ANKRD12: variants seen among roughly 807,000 people sequenced by gnomAD.
The protein encoded by ANKRD12 is ankyrin repeat domain 12, also known as ankyrin repeat domain-containing protein 12.
In ANKRD12, 85 loss-of-function variants were observed where a neutral mutation model predicts 183.4. The ratio of observed to expected loss-of-function variants is 0.46; its 90% CI spans 0.39 to 0.56. The LOEUF is 0.56. Ranked by LOEUF, ANKRD12 falls within the 20% of genes least tolerant of loss-of-function variation. ANKRD12 has a pLI of 0.00. For synonymous variants in ANKRD12, 914 were observed against 800.2 expected (o/e 1.14, Z -2.40); for missense variants, 2,405 against 2,357.1 (o/e 1.02, Z -0.42).
chr18:9,232,131 TG>T (rs1192764992), intron 8 of ANKRD12, among the ~76,000 whole-genome samples: 10 of 152,266 alleles, frequency 6.6e-5, no homozygotes, highest in Non-Finnish European at 1.3e-4. Context: ...CTTTTTGTCT[TG>T]GTTGTCCTTG....
At chr18:9,165,142 C>T (rs1467364290) in intron 1 of ANKRD12, among the ~76,000 whole-genome samples, 3 of 152,048 alleles carry the variant, frequency 2.0e-5, no homozygotes, top group African/African-American at 7.2e-5. Flanking sequence ...AACCTTTTAC[C>T]ATTACGTGAT....
At chr18:9,166,986 T>C (rs1446474097) in intron 1 of ANKRD12, among the ~76,000 whole-genome samples, 1 of 152,198 alleles carries the variant, frequency 6.6e-6, no homozygotes, top group Non-Finnish European at 1.5e-5. Flanking sequence ...CCTTTCCCCA[T>C]TGCTTGTTTT....
intron 10 of ANKRD12, among the ~76,000 whole-genome samples, chr18:9,273,347 G>A (rs1404406462): frequency 2.0e-5 from 3 of 152,158 alleles, no homozygotes; most frequent in Non-Finnish European, 4.4e-5. Context: ...TTTATTGTGT[G>A]TGTCAGAGGT....
chr18:9,163,167 A>G (rs1170369127), intron 1 of ANKRD12, among the ~76,000 whole-genome samples: 2 of 152,036 alleles, frequency 1.3e-5, no homozygotes, highest in Non-Finnish European at 2.9e-5. Context: ...GGATTTTTAT[A>G]GTTTTGGGTT....
At chr18:9,185,655 A>G (rs2033998768) in intron 2 of ANKRD12, among the ~76,000 whole-genome samples, 1 of 152,208 alleles carries the variant, frequency 6.6e-6, no homozygotes, top group South Asian at 2.1e-4. Context: ...AGAAGAGTGT[A>G]CAAAGAGTGT....
chr18:9,256,683 C>A lies in ANKRD12; in HGVS notation c.3416C>A (p.Thr1139Asn). The change falls in exon 9 of 13, where the codon ACT becomes AAT. Residue 1139 changes from threonine to asparagine, a missense_variant. Physicochemically the swap from Thr to Asn is moderately conservative, Grantham distance 65. Around this residue, in one of 7 missense-constraint regions of ANKRD12, gnomAD observed 1,983 missense variants for 1,725.9 expected, o/e 1.15. Coordinates refer to ENST00000262126, the MANE Select transcript of ANKRD12 (RefSeq NM_015208.5). ...TPTESKNKEL[T>N]RSKSSEVTDA... ...ACTGAATCCAAAAATAAAGAACTTA[C>A]TAGGTCAAAGAGTTCAGAAGTGACT... The A allele has an allele frequency of 6.2e-7, 1 of 1,606,532 alleles. No individual in the cohort carries two copies. Among genetic ancestry groups the A allele is most frequent in the Non-Finnish European group, 8.5e-7 (1 of 1,178,266 alleles).
chr18:9,179,354 G>C (rs2144132886), intron 1 of ANKRD12, among the ~76,000 whole-genome samples: 1 of 152,172 alleles, frequency 6.6e-6, no homozygotes, highest in East Asian at 1.9e-4. Context: ...CCTCATTGTT[G>C]ATCTTAGAAG....
intron 1 of ANKRD12, among the ~76,000 whole-genome samples, chr18:9,169,778 T>A (rs938736388): frequency 4.6e-5 from 7 of 152,200 alleles, no homozygotes; most frequent in Non-Finnish European, 8.8e-5. Context: ...GTTATTTTGC[T>A]CGTTAGTTGA....
rs759610193 is a variant in ANKRD12, at chr18:9,255,806, A to G, written c.2539A>G (p.Ile847Val). 1.1e-5 allele frequency: 18 copies of G among 1,574,938 alleles called. No individual in the cohort carries two copies. The highest frequency in any genetic ancestry group is 4.3e-6 in the Non-Finnish European group (5 of 1,169,622). ...ERKTFEKEKKIKHEHKSEKDK... is the reference protein window; with the variant it reads ...ERKTFEKEKKVKHEHKSEKDK... Reference sequence around the variant, plus strand: ...AAAAACCTTTGAAAAAGAAAAGAAGATAAAACATGAGCATAAGTCAGAAAA... The same window carrying G: ...AAAAACCTTTGAAAAAGAAAAGAAGGTAAAACATGAGCATAAGTCAGAAAA... The change falls in exon 9 of 13, where the codon ATA becomes GTA. Residue 847 changes from isoleucine to valine, a missense_variant. Ile to Val is a conservative substitution (Grantham distance 29). This residue lies in a region of ANKRD12 where 1,983 missense variants were observed against 1,725.9 expected (regional missense o/e 1.15). Coordinates refer to ENST00000262126, the MANE Select transcript of ANKRD12 (RefSeq NM_015208.5).
chr18:9,211,004 CT>C (rs922200527), intron 5 of ANKRD12, among the ~76,000 whole-genome samples: 75 of 148,944 alleles, frequency 5.0e-4, no homozygotes, highest in African/African-American at 1.6e-3. Flanking sequence ...TCTAATTTAA[CT>C]TTTTTTTTTT....
At chr18:9,224,970 C>CA (rs2036625241) in intron 8 of ANKRD12, among the ~76,000 whole-genome samples, 1 of 152,016 alleles carries the variant, frequency 6.6e-6, no homozygotes, top group Non-Finnish European at 1.5e-5. Context: ...GGCATGGTGG[C>CA]ATGTGCCTGC....
At chr18:9,277,626 C>T (rs530525715) in intron 11 of ANKRD12, among the ~76,000 whole-genome samples, 118 of 151,474 alleles carry the variant, frequency 7.8e-4, no homozygotes, top group Non-Finnish European at 1.3e-3. Context: ...CGCGCCCGGC[C>T]GACACCCTGT....
intron 4 of ANKRD12, among the ~76,000 whole-genome samples, chr18:9,205,299 C>T (rs2035419241): frequency 7.0e-6 from 1 of 143,736 alleles, no homozygotes; most frequent in Non-Finnish European, 1.5e-5. Context: ...ACATTGTTAT[C>T]TCTGAGCTTA....
chr18:9,256,745 G>T lies in ANKRD12; in HGVS notation c.3478G>T (p.Val1160Leu). ...CAAGGAGAAACAACCTAAAGATGCT[G>T]TAAGTAACAGATCACAATCTGTTGA... ...YTKEKQPKDA[V>L]SNRSQSVDTK... The change falls in exon 9 of 13, where the codon GTA becomes TTA. Residue 1160 changes from valine to leucine, a missense_variant. Around this residue, in one of 7 missense-constraint regions of ANKRD12, gnomAD observed 1,983 missense variants for 1,725.9 expected, o/e 1.15. Coordinates refer to ENST00000262126, the MANE Select transcript of ANKRD12 (RefSeq NM_015208.5). 6.2e-7 allele frequency: 1 copy of T among 1,613,502 alleles called. No homozygotes were observed. Among genetic ancestry groups the T allele is most frequent in the Non-Finnish European group, 8.5e-7 (1 of 1,179,798 alleles).
intron 2 of ANKRD12, among the ~76,000 whole-genome samples, chr18:9,188,147 G>A (rs992497363): frequency 3.3e-5 from 5 of 152,210 alleles, no homozygotes; most frequent in Non-Finnish European, 7.3e-5. Context: ...TTCAGCAATA[G>A]CAGTAGCCAG....
chr18:9,213,003 C>T (rs997988798), intron 6 of ANKRD12, among the ~76,000 whole-genome samples: 5 of 151,874 alleles, frequency 3.3e-5, no homozygotes, highest in Non-Finnish European at 7.4e-5. Context: ...AAGATTTTCA[C>T]AGTCTGTGGC....
chr18:9,222,222 G>A (rs890353721), intron 8 of ANKRD12, among the ~76,000 whole-genome samples: 3 of 152,096 alleles, frequency 2.0e-5, no homozygotes, highest in Admixed American at 1.3e-4. Context: ...CCCCATTTCT[G>A]TTTTCTATAA....
At chr18:9,214,568 A>G (rs952846518) in intron 6 of ANKRD12, among the ~76,000 whole-genome samples, 5 of 152,168 alleles carry the variant, frequency 3.3e-5, no homozygotes, top group Non-Finnish European at 7.4e-5. Context: ...CGTGTTTAGT[A>G]GAATACTGTA....
intron 7 of ANKRD12, among the ~76,000 whole-genome samples, chr18:9,219,783 C>T (rs943980865): frequency 2.6e-5 from 4 of 151,416 alleles, no homozygotes; most frequent in African/African-American, 9.7e-5. Flanking sequence ...GCTTAGGAAT[C>T]GATAGTACCA....
Sources: gnomAD v4.1 joint callset for allele counts (sites outside exome capture counted in the v4.1 genomes callset) on GRCh38, gnomAD v4.1.1 for gene constraint, gnomAD v4.1.1 regional missense constraint, MANE v1.5 for transcripts, NCBI Gene and HGNC (gene_info 2026-07-23, HGNC 2026-07-21) for gene names.